Variants in VAPB observed in about 807,000 individuals in gnomAD.
VAPB encodes VAMP associated protein B and C.
In VAPB, 7 loss-of-function variants were observed where a neutral mutation model predicts 25.6. The observed-to-expected ratio is 0.27, with a 90% confidence interval of 0.16 to 0.51. VAPB has a LOEUF of 0.51. Among genes scored for constraint, VAPB ranks in the 20% least tolerant of loss-of-function variants. VAPB has a pLI of 0.97. For synonymous variants in VAPB, 112 were observed against 109.2 expected, an observed-to-expected ratio of 1.03 and a Z score of -0.16; for missense variants, 266 against 301.3, an observed-to-expected ratio of 0.88 and a Z score of 0.87.
At chr20:58,420,470 C>G (rs538102317) in intron 2 of VAPB, among the ~76,000 whole-genome samples, 1 of 152,320 alleles carries the variant, frequency 6.6e-6, no homozygotes, top group Admixed American at 6.5e-5. Flanking sequence ...TCAAGGGTCA[C>G]TTGGATGGTC....
In VAPB at chr20:58,389,412, T is replaced by C. The variant is rs1645710288; in HGVS notation, c.-48T>C. 2 of 1,526,022 alleles carry C rather than the reference T, an allele frequency of 1.3e-6. No individual in the cohort carries two copies. The highest frequency in any genetic ancestry group is 8.8e-7 in the Non-Finnish European group (1 of 1,130,198). The allele number at this position is 1,526,022 out of a possible 1,614,324, so 94.5% of individuals were successfully genotyped here. A position where few individuals can be genotyped will look rare whatever the true frequency, so the allele number is the denominator to read the frequency against. ...GCAGCATTAACGCTTCCCGCCCCGGTGACCTCTCAGGGGTCTCCCCGCCAA... is the reference window on the plus strand; with the variant it reads ...GCAGCATTAACGCTTCCCGCCCCGGCGACCTCTCAGGGGTCTCCCCGCCAA... On this transcript the variant is annotated 5_prime_UTR_variant, in exon 1 of 6. Coordinates refer to ENST00000475243, the MANE Select transcript of VAPB (RefSeq NM_004738.5).
chr20:58,398,334 G>A (rs1988012829), intron 1 of VAPB, among the ~76,000 whole-genome samples: 2 of 152,250 alleles, frequency 1.3e-5, no homozygotes, highest in African/African-American at 4.8e-5. Context: ...CATAAGAGAT[G>A]ATTGTCCAAA....
rs1197431133 is a variant in VAPB, at chr20:58,445,408, G to A, written c.*1173G>A. 1.8e-5 allele frequency: 8 copies of A among 454,442 alleles called. No homozygotes were observed. Among genetic ancestry groups the A allele is most frequent in the Non-Finnish European group, 3.5e-5 (8 of 226,806 alleles). 28.2% of individuals were successfully genotyped at this position (454,442 alleles called of 1,614,324 possible). A position where few individuals can be genotyped will look rare whatever the true frequency, so the allele number is the denominator to read the frequency against. On this transcript the variant is annotated 3_prime_UTR_variant, in exon 6 of 6. Transcript: ENST00000475243. ...CAGTTGTGGGTGGGGAGCAAGGGAA[G>A]AGAGAAACTCTTCAGCGAATCCTTC...
Position 58,444,594 on chromosome 20 carries a change from G to C in VAPB, c.*359G>C, listed in dbSNP as rs562368880. On this transcript the variant is annotated 3_prime_UTR_variant, in exon 6 of 6. Transcript: ENST00000475243. ...CTCTCTTAAAATGACACCCTTCCTC[G>C]CCTGTTGGTGCTGGCCCTTGGGGAG... 1 of 457,744 alleles carries C rather than the reference G, an allele frequency of 2.2e-6. No individual in the cohort carries two copies. Among genetic ancestry groups the C allele is most frequent in the Non-Finnish European group, 4.4e-6 (1 of 229,372 alleles). The allele number at this position is 457,744 out of a possible 1,614,324, so 28.4% of individuals were successfully genotyped here.
In VAPB at chr20:58,389,283, G is replaced by A. The variant is rs1339855375; in HGVS notation, c.-177G>A. 6.9e-6 allele frequency: 5 copies of A among 723,502 alleles called. No homozygotes were observed. Among genetic ancestry groups the A allele is most frequent in the African/African-American group, 3.6e-5 (2 of 55,204 alleles). 44.8% of individuals were successfully genotyped at this position (723,502 alleles called of 1,614,324 possible). A position where few individuals can be genotyped will look rare whatever the true frequency, so the allele number is the denominator to read the frequency against. The stretch of plus-strand genomic sequence containing the variant: ...CCTCGCCCTCGCCCTCCGCCCCTGC[G>A]CCTGCACCGCGTAGACCGACCCCCC... On this transcript the variant is annotated 5_prime_UTR_variant, in exon 1 of 6. Coordinates refer to ENST00000475243, the MANE Select transcript of VAPB (RefSeq NM_004738.5).
rs775053200 is a variant in VAPB at position 58,439,041 on chromosome 20, G to C, written c.396+16G>C. On this transcript the variant is annotated intron_variant, in intron 4 of 5. Coordinates refer to ENST00000475243, the MANE Select transcript of VAPB (RefSeq NM_004738.5). ...TGATAAACCAGTAAGTATATTTATA[G>C]TTAACAATAATTGAATGTTGTAAGC... 6.2e-7 allele frequency: 1 copy of C among 1,602,356 alleles called. No individual in the cohort carries two copies. The highest frequency in any genetic ancestry group is 8.5e-7 in the Non-Finnish European group (1 of 1,170,202).
chr20:58,413,637 GC>G (rs1217227408), intron 1 of VAPB, among the ~76,000 whole-genome samples: 1 of 151,758 alleles, frequency 6.6e-6, no homozygotes, highest in Non-Finnish European at 1.5e-5. Context: ...TGTCATCCTG[GC>G]CCGTTCTCAA....
At position 58,446,555 on chromosome 20, in the gene VAPB, T is replaced by C. The variant is rs181028077; in HGVS notation, c.*2320T>C. 1 of 454,086 alleles carries C rather than the reference T, an allele frequency of 2.2e-6. No individual in the cohort carries two copies. The highest frequency in any genetic ancestry group is 4.4e-6 in the Non-Finnish European group (1 of 226,754). The allele number at this position is 454,086 out of a possible 1,614,324, so 28.1% of individuals were successfully genotyped here. ...TTCTTAAAAAGAATATCTGAGAAAC[T>C]ACTCTGTTTTAGACCTTTGAAGGTG... is the stretch of plus-strand genomic sequence containing the variant. On this transcript the variant is annotated 3_prime_UTR_variant, in exon 6 of 6. Transcript: ENST00000475243.
intron 2 of VAPB, among the ~76,000 whole-genome samples, chr20:58,426,549 T>G (rs1432408549): frequency 6.6e-6 from 1 of 152,156 alleles, no homozygotes; most frequent in Non-Finnish European, 1.5e-5. Flanking sequence ...GCCTGAGTGA[T>G]GCGCACACCT....
chr20:58,427,160 T>G (rs1361122542), intron 2 of VAPB, among the ~76,000 whole-genome samples: 6 of 152,164 alleles, frequency 3.9e-5, no homozygotes, highest in African/African-American at 1.4e-4. Flanking sequence ...GTTACCATTA[T>G]GATGCAGACG....
At chr20:58,415,826 T>C (rs1410402909) in intron 1 of VAPB, among the ~76,000 whole-genome samples, 1 of 152,256 alleles carries the variant, frequency 6.6e-6, no homozygotes. Flanking sequence ...ATTGAAGGTT[T>C]TGTGTATGCT....
At chr20:58,399,195 G>T (rs1466837927) in intron 1 of VAPB, among the ~76,000 whole-genome samples, 1 of 152,002 alleles carries the variant, frequency 6.6e-6, no homozygotes, top group African/African-American at 2.4e-5. Flanking sequence ...AGGTACTGGG[G>T]AGGCTGAGGC....
intron 2 of VAPB, among the ~76,000 whole-genome samples, chr20:58,421,996 T>TA (rs1229931843): frequency 3.3e-5 from 5 of 152,296 alleles, no homozygotes; most frequent in Admixed American, 1.3e-4. Context: ...ATTGGGTCCT[T>TA]AAAAAAACTC....
chr20:58,417,149 T>C (rs553429263), intron 1 of VAPB, among the ~76,000 whole-genome samples: 6 of 152,166 alleles, frequency 3.9e-5, no homozygotes, highest in Non-Finnish European at 5.9e-5. Context: ...GTGAAAAATA[T>C]GTAAATTTGA....
intron 1 of VAPB, among the ~76,000 whole-genome samples, chr20:58,405,118 G>A (rs1988192966): frequency 1.3e-5 from 2 of 152,216 alleles, no homozygotes; most frequent in South Asian, 2.1e-4. Flanking sequence ...TCAATTTTAA[G>A]TAGGGTAATT....
chr20:58,444,680 C>G lies in VAPB; in HGVS notation c.*445C>G, dbSNP rs1390364941. 2.2e-6 allele frequency: 1 copy of G among 454,502 alleles called. No homozygotes were observed. Among genetic ancestry groups the G allele is most frequent in the Non-Finnish European group, 4.4e-6 (1 of 226,980 alleles). 28.2% of individuals were successfully genotyped at this position (454,502 alleles called of 1,614,324 possible). On this transcript the variant is annotated 3_prime_UTR_variant, in exon 6 of 6. Coordinates refer to ENST00000475243, the MANE Select transcript of VAPB (RefSeq NM_004738.5). ...CACACAGTAGTCCCCACGTGGCCCA[C>G]TCCCGGCCCAGGCTGCTTTCCGTGT...
At chr20:58,439,100 C>T (rs1989108267) in intron 4 of VAPB, 75 bp downstream of exon 4, 1 of 1,412,194 alleles carries the variant, frequency 7.1e-7, no homozygotes, top group Non-Finnish European at 9.9e-7. Flanking sequence ...CCTGCAAAAC[C>T]AAGATTTAAG....
chr20:58,444,658 A>C lies in VAPB; in HGVS notation c.*423A>C, dbSNP rs1442977423. 4.4e-6 allele frequency: 2 copies of C among 454,674 alleles called. No homozygotes were observed. Among genetic ancestry groups the C allele is most frequent in the Non-Finnish European group, 8.8e-6 (2 of 227,170 alleles). 28.2% of individuals were successfully genotyped at this position (454,674 alleles called of 1,614,324 possible). On this transcript the variant is annotated 3_prime_UTR_variant, in exon 6 of 6. Coordinates refer to ENST00000475243, the MANE Select transcript of VAPB (RefSeq NM_004738.5). ...TGCTGGGGAGTGCGGTCAGCTCCAC[A>C]CAGTAGTCCCCACGTGGCCCACTCC...
At chr20:58,403,815 G>A (rs540912211) in intron 1 of VAPB, among the ~76,000 whole-genome samples, 1 of 152,180 alleles carries the variant, frequency 6.6e-6, no homozygotes, top group African/African-American at 2.4e-5. Context: ...AACTCAGCAT[G>A]TTCCACACTG....
Sources: allele counts gnomAD v4.1 joint callset (sites outside exome capture counted in the v4.1 genomes callset), GRCh38; gene constraint gnomAD v4.1.1; transcripts MANE v1.5; gene names NCBI Gene and HGNC (gene_info 2026-07-23, HGNC 2026-07-21).